The following MYO16 variants were observed in gnomAD, a reference collection of about 807,000 sequenced individuals.
MYO16 encodes myosin XVI, also known as unconventional myosin-XVI.
A neutral mutation model predicts 205.3 loss-of-function variants in MYO16; 94 were observed. The observed-to-expected ratio is 0.46, with a 90% CI of 0.39 to 0.54. MYO16 has a LOEUF of 0.54. Among genes scored for constraint, MYO16 ranks in the 20% least tolerant of loss-of-function variants. The probability of loss-of-function intolerance (pLI) is 0.00; values close to 1 mark genes in which losing one functional copy is unlikely to be tolerated. For synonymous variants in MYO16, 988 were observed against 954.0 expected, an observed-to-expected ratio of 1.04 and a Z score of -0.66; for missense variants, 2,315 against 2,387.5, an observed-to-expected ratio of 0.97 and a Z score of 0.63.
chr13:109,005,621 T>C (rs1323098596), intron 21 of MYO16, among the ~76,000 whole-genome samples: 3 of 152,132 alleles, frequency 2.0e-5, no homozygotes, highest in Non-Finnish European at 2.9e-5. Context: ...CTCTCCTACC[T>C]CTGCTTCAGT....
Position 108,722,371 on chromosome 13 carries a change from C to G in MYO16, c.364-5069C>G, listed in dbSNP as rs532959857. ...TTACTACATAACAATATTATAAGAA[C>G]ATTGTAACAGGAATGTTCCACCATC... On this transcript the variant is annotated intron_variant, in intron 3 of 34. Transcript: ENST00000457511. 2.4e-4 allele frequency among the ~76,000 whole-genome samples: 36 copies of G among 152,280 alleles called. 1 individual carries two copies. The highest frequency in any genetic ancestry group is 9.8e-4 in the Admixed American group (15 of 15,302).
intron 31 of MYO16, among the ~76,000 whole-genome samples, chr13:109,133,788 C>CG (rs1372494100): frequency 1.5e-4 from 23 of 152,322 alleles, no homozygotes; most frequent in Admixed American, 1.5e-3. Flanking sequence ...TAATAACCCT[C>CG]TAACCAGTAT....
chr13:109,047,800 T>C (rs893056762), intron 24 of MYO16, among the ~76,000 whole-genome samples: 3 of 152,126 alleles, frequency 2.0e-5, no homozygotes, highest in Non-Finnish European at 4.4e-5. Flanking sequence ...TGCTCTAGCA[T>C]TGAAAATAAG....
upstream of MYO16, among the ~76,000 whole-genome samples, chr13:108,595,573 C>A (rs184733639): frequency 1.4e-3 from 213 of 152,336 alleles, no homozygotes; most frequent in African/African-American, 4.4e-3. Flanking sequence ...CGCTCCCCTG[C>A]AGATGCTCAA....
intron 4 of MYO16, among the ~76,000 whole-genome samples, chr13:108,732,251 G>A (rs1031760590): frequency 1.3e-5 from 2 of 152,182 alleles, no homozygotes; most frequent in African/African-American, 4.8e-5. Context: ...GTAGCCGTCT[G>A]TGTGTACTCA....
At chr13:109,109,978 C>T (rs1438243769) in intron 28 of MYO16, among the ~76,000 whole-genome samples, 2 of 152,214 alleles carry the variant, frequency 1.3e-5, no homozygotes, top group Admixed American at 1.3e-4. Context: ...GAAAAGCACA[C>T]ATCAAAATAT....
chr13:108,525,070 T>C, the MYO16 span, among the ~76,000 whole-genome samples: 5 of 152,030 alleles, frequency 3.3e-5, no homozygotes, highest in African/African-American at 1.2e-4. Flanking sequence ...TGTCTGGGAG[T>C]GTGAGGACTA....
chr13:108,521,334 A>G, the MYO16 span, among the ~76,000 whole-genome samples: 1 of 152,264 alleles, frequency 6.6e-6, no homozygotes, highest in African/African-American at 2.4e-5. Context: ...ATTAAGTGAT[A>G]TAAGTAATCA....
chr13:109,126,072 T>A (rs1876233929), intron 30 of MYO16, among the ~76,000 whole-genome samples: 1 of 152,200 alleles, frequency 6.6e-6, no homozygotes, highest in African/African-American at 2.4e-5. Flanking sequence ...GAGATGTTTG[T>A]TTTGCTATAG....
intron 13 of MYO16, chr13:108,886,461 G>A (rs1332055249): frequency 2.2e-6 from 1 of 456,240 alleles, no homozygotes; most frequent in Admixed American, 2.3e-5. Context: ...GGACACGAGA[G>A]AGTAAGTGGA....
intron 16 of MYO16, among the ~76,000 whole-genome samples, chr13:108,914,935 G>T (rs898358127): frequency 1.3e-5 from 2 of 152,146 alleles, no homozygotes; most frequent in African/African-American, 4.8e-5. Flanking sequence ...GAACCACTGC[G>T]CCCGACCTGT....
chr13:108,855,424 A>G lies in MYO16; in HGVS notation c.1249-19A>G, dbSNP rs768935524. The G allele has an allele frequency of 4.1e-6, 6 of 1,479,400 alleles. No individual in the cohort carries two copies. In the South Asian group the frequency reaches 4.9e-5, roughly 12 times the overall value. The allele number at this position is 1,479,400 out of a possible 1,614,324, so 91.6% of individuals were successfully genotyped here. ...TTGGAAAGCAATTAGAATTGATCAT[A>G]CTTTCGGTTCTTCCCCAGGTCAAGC... is the stretch of plus-strand genomic sequence containing the variant. On this transcript the variant is annotated intron_variant, in intron 10 of 34. Coordinates refer to ENST00000457511, the MANE Select transcript of MYO16 (RefSeq NM_001198950.3).
intron 9 of MYO16, among the ~76,000 whole-genome samples, chr13:108,842,609 G>A (rs1877303391): frequency 6.6e-6 from 1 of 152,146 alleles, no homozygotes; most frequent in Non-Finnish European, 1.5e-5. Context: ...GATAACTAGT[G>A]TTGGTGAGGG....
the MYO16 span, among the ~76,000 whole-genome samples, chr13:108,562,134 G>T: frequency 6.6e-6 from 1 of 152,166 alleles, no homozygotes; most frequent in Non-Finnish European, 1.5e-5. Context: ...ATTGGAATCT[G>T]AGATCAGATG....
At chr13:108,510,487 T>A in the MYO16 span, among the ~76,000 whole-genome samples, 1 of 102,434 alleles carries the variant, frequency 9.8e-6, no homozygotes, top group African/African-American at 3.8e-5. Context: ...TTTTTTTTTA[T>A]TGTACTTTAA....
chr13:108,798,975 G>A (rs1055902414), intron 6 of MYO16, among the ~76,000 whole-genome samples: 2 of 149,396 alleles, frequency 1.3e-5, no homozygotes, highest in African/African-American at 4.9e-5. Context: ...AAAGTGCTGG[G>A]ATTACAGGCG....
At chr13:108,789,698 G>C (rs774576182) in intron 5 of MYO16, among the ~76,000 whole-genome samples, 9 of 152,066 alleles carry the variant, frequency 5.9e-5, no homozygotes, top group Non-Finnish European at 1.3e-4. Flanking sequence ...GCATCTCTTA[G>C]AACACTTATT....
intron 23 of MYO16, among the ~76,000 whole-genome samples, chr13:109,046,408 A>G (rs894632650): frequency 3.9e-5 from 6 of 152,340 alleles, no homozygotes; most frequent in South Asian, 4.1e-4. Context: ...TAAATCACCT[A>G]TGGTGAAGAA....
intron 23 of MYO16, among the ~76,000 whole-genome samples, chr13:109,035,375 G>T (rs982751693): frequency 5.3e-5 from 8 of 152,088 alleles, no homozygotes; most frequent in African/African-American, 1.9e-4. Flanking sequence ...CAGAAGGACT[G>T]TGTTTCTTTA....
Sources: allele counts gnomAD v4.1 joint callset (sites outside exome capture counted in the v4.1 genomes callset), GRCh38; gene constraint gnomAD v4.1.1; transcripts MANE v1.5; gene names NCBI Gene and HGNC (gene_info 2026-07-23, HGNC 2026-07-21).